USP49: variants seen among roughly 807,000 people sequenced by gnomAD.
USP49 encodes the protein ubiquitin carboxyl-terminal hydrolase 49.
A neutral mutation model predicts 58.6 loss-of-function variants in USP49; 24 were observed. That is an observed-to-expected ratio of 0.41 (90% CI 0.30 to 0.58). The LOEUF (loss-of-function observed/expected upper bound fraction) is 0.58, where lower values mean the gene tolerates loss of function less well. Among genes scored for constraint, USP49 ranks in the 20% least tolerant of loss-of-function variants. The pLI is 0.30. For missense variants in USP49, 703 were observed against 866.1 expected (o/e 0.81, Z 2.36); for synonymous variants, 408 against 365.1 (o/e 1.12, Z -1.34).
intron 3 of USP49, among the ~76,000 whole-genome samples, chr6:41,817,622 T>A (rs560180389): frequency 1.3e-5 from 2 of 151,710 alleles, no homozygotes; most frequent in East Asian, 3.9e-4. Flanking sequence ...ACCATTTTTC[T>A]TTTTTCTTTT....
rs560431648 is a variant in USP49 at position 41,894,651 on chromosome 6, TCCAACACTTACCCCGGTACCCCTCACC to T, written c.-185+646_-185+672del. Reference sequence around the variant, plus strand: ...GCTCTGCCCCTCCTTGTCTTCCACTTCCAACACTTACCCCGGTACCCCTCACCCCAACACCACCCGCTACGAAGATTT... The same window carrying T: ...GCTCTGCCCCTCCTTGTCTTCCACTTCCAACACCACCCGCTACGAAGATTT... On this transcript the variant is annotated intron_variant, in intron 1 of 7. Transcript: ENST00000682992. Among the ~76,000 whole-genome samples the T allele has an allele frequency of 4.0e-3, 604 of 151,970 alleles. 6 individuals carry two copies. Among genetic ancestry groups the T allele is most frequent in the Non-Finnish European group, 4.0e-3 (272 of 67,950 alleles).
intron 3 of USP49, among the ~76,000 whole-genome samples, chr6:41,822,546 A>G (rs1297349231): frequency 6.6e-6 from 1 of 152,142 alleles, no homozygotes; most frequent in African/African-American, 2.4e-5. Flanking sequence ...CATATTTTGC[A>G]TGAATGAAGA....
chr6:41,875,920 TG>T (rs1471335881), intron 2 of USP49, among the ~76,000 whole-genome samples: 2 of 151,958 alleles, frequency 1.3e-5, no homozygotes, highest in Non-Finnish European at 2.9e-5. Context: ...TTAGTAGAGA[TG>T]GGGTTTCACC....
chr6:41,827,743 C>T (rs1773566548), intron 3 of USP49, among the ~76,000 whole-genome samples: 1 of 150,706 alleles, frequency 6.6e-6, no homozygotes, highest in African/African-American at 2.4e-5. Context: ...AATTAAGTTG[C>T]ATTACAAATA....
At chr6:41,854,577 A>G (rs1406649792) in intron 3 of USP49, among the ~76,000 whole-genome samples, 1 of 152,116 alleles carries the variant, frequency 6.6e-6, no homozygotes, top group Non-Finnish European at 1.5e-5. Context: ...CTTTATTAAG[A>G]GATTATATGT....
At chr6:41,816,517 C>A (rs894081953) in intron 3 of USP49, among the ~76,000 whole-genome samples, 3 of 152,086 alleles carry the variant, frequency 2.0e-5, no homozygotes, top group African/African-American at 7.2e-5. Context: ...CCTTAAGGCT[C>A]CATCCTCAGC....
chr6:41,815,551 G>A (rs1443536661), intron 3 of USP49, among the ~76,000 whole-genome samples: 1 of 152,150 alleles, frequency 6.6e-6, no homozygotes, highest in East Asian at 1.9e-4. Context: ...ACAGGCTGCT[G>A]CATTTTCCCA....
chr6:41,870,173 C>T (rs1031270079), intron 3 of USP49, among the ~76,000 whole-genome samples: 29 of 152,318 alleles, frequency 1.9e-4, no homozygotes, highest in Admixed American at 1.8e-3. Context: ...TAAACACTTA[C>T]TTCATTCCAG....
chr6:41,843,199 A>G (rs1773858061), intron 3 of USP49, among the ~76,000 whole-genome samples: 1 of 152,190 alleles, frequency 6.6e-6, no homozygotes, highest in African/African-American at 2.4e-5. Flanking sequence ...TTATCCTACC[A>G]TGCACATTAA....
intron 3 of USP49, among the ~76,000 whole-genome samples, chr6:41,823,392 T>G (rs1389795185): frequency 6.6e-6 from 1 of 152,242 alleles, no homozygotes; most frequent in Non-Finnish European, 1.5e-5. Flanking sequence ...TACTATGTTT[T>G]CCTTAGGAAG....
chr6:41,819,741 T>C (rs1773421631), intron 3 of USP49, among the ~76,000 whole-genome samples: 1 of 152,190 alleles, frequency 6.6e-6, no homozygotes, highest in Non-Finnish European at 1.5e-5. Flanking sequence ...CAATTTTGCA[T>C]GAAACTAGGG....
In USP49 at chr6:41,792,456, G is replaced by A. The variant is rs980959476; in HGVS notation, c.*4077C>T. The stretch of plus-strand genomic sequence containing the variant: ...AACATTTGTGCTCTCCCAACCACCT[G>A]GGAAAGCAACCCTTCCACTCACAAG... On this transcript the variant is annotated 3_prime_UTR_variant, in exon 8 of 8. Transcript: ENST00000682992. The A allele has an allele frequency of 2.6e-5, 4 of 152,140 alleles. No homozygotes were observed. Among genetic ancestry groups the A allele is most frequent in the African/African-American group, 7.2e-5 (3 of 41,424 alleles). 9.4% of individuals were successfully genotyped at this position (152,140 alleles called of 1,614,324 possible).
At chr6:41,852,689 T>A (rs916893044) in intron 3 of USP49, among the ~76,000 whole-genome samples, 1 of 152,154 alleles carries the variant, frequency 6.6e-6, no homozygotes, top group Non-Finnish European at 1.5e-5. Flanking sequence ...CCTATCAAAA[T>A]CCCAGCAGCA....
intron 5 of USP49, among the ~76,000 whole-genome samples, chr6:41,800,959 C>T (rs899025048): frequency 6.6e-6 from 1 of 152,222 alleles, no homozygotes; most frequent in African/African-American, 2.4e-5. Flanking sequence ...TACTCCAAAG[C>T]AGAACCAGTG....
chr6:41,804,971 C>T (rs181329801), intron 4 of USP49, among the ~76,000 whole-genome samples: 2 of 152,352 alleles, frequency 1.3e-5, no homozygotes, highest in African/African-American at 4.8e-5. Context: ...TGGTCTCTAA[C>T]TCCTGACCTC....
intron 5 of USP49, among the ~76,000 whole-genome samples, chr6:41,802,415 T>TTA (rs1773020225): frequency 1.6e-5 from 2 of 124,310 alleles, no homozygotes; most frequent in Admixed American, 1.6e-4. Context: ...ATTTTTTATT[T>TTA]TATTTTATTT....
intron 3 of USP49, among the ~76,000 whole-genome samples, chr6:41,853,834 T>C (rs1489010474): frequency 6.7e-6 from 1 of 150,160 alleles, no homozygotes; most frequent in African/African-American, 2.5e-5. Context: ...CCGTCTCTAC[T>C]AAAAAAAATA....
Position 41,798,827 on chromosome 6 carries a change from A to T in USP49, c.1773T>A (p.Leu591=), listed in dbSNP as rs1772939885. The change falls in exon 7 of 8, where the codon CTT becomes CTA. Residue 591 remains leucine, a synonymous_variant. Transcript: ENST00000682992. ...PYCCRDMLSS[L]DKETFAYDLS... ...GATCATAGGCAAAGGTCTCTTTGTC[A>T]AGAGAGGAGAGCATGTCCCTGCAGC... The T allele has an allele frequency of 6.2e-7, 1 of 1,614,076 alleles. No individual in the cohort carries two copies. Among genetic ancestry groups the T allele is most frequent in the African/African-American group, 1.3e-5 (1 of 75,018 alleles).
At chr6:41,855,472 A>G (rs1397745695) in intron 3 of USP49, among the ~76,000 whole-genome samples, 1 of 152,084 alleles carries the variant, frequency 6.6e-6, no homozygotes, top group Non-Finnish European at 1.5e-5. Flanking sequence ...CCGAGATCAC[A>G]CCATTGCACT....
Sources: allele counts gnomAD v4.1 joint callset (sites outside exome capture counted in the v4.1 genomes callset), GRCh38; gene constraint gnomAD v4.1.1; transcripts MANE v1.5; gene names NCBI Gene and HGNC (gene_info 2026-07-23, HGNC 2026-07-21).